FERMT2: variants seen among roughly 807,000 people sequenced by gnomAD.
FERMT2 encodes the protein fermitin family homolog 2.
FERMT2 carries 15 observed loss-of-function variants against 82.7 expected under a neutral mutation model. That is an observed-to-expected ratio of 0.18 (90% confidence interval 0.12 to 0.28). The LOEUF is 0.28. Among genes scored for constraint, FERMT2 ranks in the 10% least tolerant of loss-of-function variants. FERMT2 has a pLI of 1.00. For missense variants in FERMT2, 645 were observed against 809.4 expected (o/e 0.80, Z 2.46); for synonymous variants, 274 against 271.5 (o/e 1.01, Z -0.09).
intron 3 of FERMT2, among the ~76,000 whole-genome samples, chr14:52,903,575 A>C (rs927166827): frequency 5.3e-5 from 8 of 152,030 alleles, no homozygotes; most frequent in African/African-American, 1.7e-4. Context: ...AAAGAAAAAA[A>C]AAACACTACC....
At chr14:52,902,667 G>A (rs1388944996) in intron 3 of FERMT2, among the ~76,000 whole-genome samples, 7 of 150,470 alleles carry the variant, frequency 4.7e-5, no homozygotes, top group Non-Finnish European at 8.9e-5. Flanking sequence ...TCAGGAATTC[G>A]AGACCAGCCT....
At chr14:52,950,670 G>A (rs1890591317) in intron 1 of FERMT2, 93 bp from the exon 2 acceptor site, 3 of 1,315,290 alleles carry the variant, frequency 2.3e-6, no homozygotes, top group African/African-American at 2.9e-5. Context: ...CGGGCTGGGA[G>A]GTGGTGGAGG....
intron 2 of FERMT2, among the ~76,000 whole-genome samples, chr14:52,936,428 TC>T (rs976279348): frequency 1.3e-5 from 2 of 152,194 alleles, no homozygotes; most frequent in African/African-American, 4.8e-5. Context: ...ATCTGATGTC[TC>T]CCCCTATTTA....
At position 52,902,868 on chromosome 14, in the gene FERMT2, C is replaced by CAAAAA. The variant is rs1252336097; in HGVS notation, c.392-9446_392-9442dup. 2.9e-3 allele frequency among the ~76,000 whole-genome samples: 16 copies of CAAAAA among 5,536 alleles called. 1 individual carries two copies. The highest frequency in any genetic ancestry group is 9.9e-3 in the East Asian group (2 of 202). 3.6% of individuals were successfully genotyped at this position (5,536 alleles called of 152,430 possible). ...TGGGTGGCTGAGCAAGACTCCGTCT[C>CAAAAA]AAAAAAAAAAAAAAAAAAAAAAACC... On this transcript the variant is annotated intron_variant, in intron 3 of 14. Transcript: ENST00000341590.
rs746615883 is a variant in FERMT2, at chr14:52,878,562, T to C, written c.963+20A>G. ...TACCCTTTACCGGAATAAGTCCCAT[T>C]TACTAGACCTTTCAACTACCTGCAG... On this transcript the variant is annotated intron_variant, in intron 7 of 14. Coordinates refer to ENST00000341590, the MANE Select transcript of FERMT2 (RefSeq NM_006832.3). The C allele has an allele frequency of 1.4e-6, 2 of 1,479,018 alleles. No homozygotes were observed. The highest frequency in any genetic ancestry group is 1.7e-4 in the Middle Eastern group (1 of 5,818). The allele number at this position is 1,479,018 out of a possible 1,614,324, so 91.6% of individuals were successfully genotyped here.
At position 52,919,507 on chromosome 14, in the gene FERMT2, G is replaced by A. The variant is rs183881738; in HGVS notation, c.158-151C>T. 664 of 619,430 alleles carry A rather than the reference G, an allele frequency of 1.1e-3. 5 individuals carry two copies. The highest frequency in any genetic ancestry group is 3.3e-4 in the Non-Finnish European group (120 of 359,284). The allele number at this position is 619,430 out of a possible 1,614,324, so 38.4% of individuals were successfully genotyped here. On this transcript the variant is annotated intron_variant, in intron 2 of 14. Coordinates refer to ENST00000341590, the MANE Select transcript of FERMT2 (RefSeq NM_006832.3). ...GACAGGTACAAAAGAAACATTAACA[G>A]CTGAGAAAACACGCTCTGTCCTGAA...
chr14:52,868,514 C>T (rs1400911744), intron 10 of FERMT2, among the ~76,000 whole-genome samples: 1 of 152,196 alleles, frequency 6.6e-6, no homozygotes, highest in South Asian at 2.1e-4. Flanking sequence ...GTAAGTGGTT[C>T]TTCCTTGTAT....
chr14:52,886,954 C>T (rs1030662885), intron 4 of FERMT2, among the ~76,000 whole-genome samples: 8 of 151,976 alleles, frequency 5.3e-5, no homozygotes, highest in East Asian at 1.9e-4. Flanking sequence ...TATATGAGGT[C>T]CATCAGTATG....
At chr14:52,911,352 A>G (rs1888299145) in intron 3 of FERMT2, among the ~76,000 whole-genome samples, 1 of 152,152 alleles carries the variant, frequency 6.6e-6, no homozygotes, top group Non-Finnish European at 1.5e-5. Flanking sequence ...TTCTTGAGCT[A>G]CACAAAAGCA....
At chr14:52,894,179 A>G (rs893585325) in intron 3 of FERMT2, among the ~76,000 whole-genome samples, 6 of 152,208 alleles carry the variant, frequency 3.9e-5, no homozygotes, top group Admixed American at 2.0e-4. Flanking sequence ...TCAAATGGCT[A>G]CAAGTTTCTG....
Position 52,872,862 on chromosome 14 carries a change from T to C in FERMT2, c.1210A>G (p.Ile404Val), listed in dbSNP as rs1252678668. Residue 404 changes from isoleucine to valine, a missense_variant, in exon 10 of 15, where the codon ATT becomes GTT. By Grantham distance (29) the Ile-to-Val change is conservative. Transcript: ENST00000341590. ...QYWCTFKDTS[I>V]SCYKSKEESS... ...TCTTCTTTGCTCTTATAACAAGAAATGGATGTGTCTTTGAAGGTGCACCAA... is the reference window on the plus strand; with the variant it reads ...TCTTCTTTGCTCTTATAACAAGAAACGGATGTGTCTTTGAAGGTGCACCAA... The C allele has an allele frequency of 6.2e-7, 1 of 1,614,008 alleles. No homozygotes were observed.
intron 3 of FERMT2, among the ~76,000 whole-genome samples, chr14:52,900,737 A>G (rs1887574002): frequency 6.6e-6 from 1 of 152,162 alleles, no homozygotes; most frequent in Non-Finnish European, 1.5e-5. Flanking sequence ...ACCTGAAAAA[A>G]TTTAGTCCGC....
chr14:52,946,644 T>C (rs1011530479), intron 2 of FERMT2, among the ~76,000 whole-genome samples: 2 of 152,114 alleles, frequency 1.3e-5, no homozygotes, highest in African/African-American at 2.4e-5. Flanking sequence ...GTGCAAGACC[T>C]TGCCTCAAAC....
Position 52,874,157 on chromosome 14 carries a change from TC to T in FERMT2, c.1148+19del. The T allele has an allele frequency of 6.6e-7, 1 of 1,511,332 alleles. No homozygotes were observed. Among genetic ancestry groups the T allele is most frequent in the Non-Finnish European group, 9.0e-7 (1 of 1,105,568 alleles). The allele number at this position is 1,511,332 out of a possible 1,614,324, so 93.6% of individuals were successfully genotyped here. On this transcript the variant is annotated intron_variant, in intron 9 of 14. Coordinates refer to ENST00000341590, the MANE Select transcript of FERMT2 (RefSeq NM_006832.3). ...AGCTGACAGTTATTAATATTTGGCATCCCTCCTTTTTGTACTTACTTGAAAA... is the reference window on the plus strand; with the variant it reads ...AGCTGACAGTTATTAATATTTGGCATCCTCCTTTTTGTACTTACTTGAAAA...
At chr14:52,909,309 T>G (rs1333523742) in intron 3 of FERMT2, among the ~76,000 whole-genome samples, 4 of 152,062 alleles carry the variant, frequency 2.6e-5, no homozygotes, top group Admixed American at 2.6e-4. Context: ...TGCCTGGAGC[T>G]CTAGGAAGCA....
In FERMT2 at chr14:52,928,557, A is replaced by T. The variant is rs538510361; in HGVS notation, c.158-9201T>A. 2.6e-5 allele frequency: 4 copies of T among 152,298 alleles called. No individual in the cohort carries two copies. The East Asian group carries it at 7.7e-4, about 29-fold the overall frequency. The allele number at this position is 152,298 out of a possible 1,614,324, so 9.4% of individuals were successfully genotyped here. ...TTCAGGCTACTTGCTCATACCATTT[A>T]CCTATACCACTTAGTTGCTCATCTA... On this transcript the variant is annotated intron_variant, in intron 2 of 14. Transcript: ENST00000341590.
intron 3 of FERMT2, among the ~76,000 whole-genome samples, chr14:52,907,190 T>C (rs1239092007): frequency 6.6e-6 from 1 of 152,116 alleles, no homozygotes; most frequent in Non-Finnish European, 1.5e-5. Flanking sequence ...TTTTTTGGTA[T>C]TTTTTGGAGA....
At chr14:52,901,280 C>CAAAAAAA (rs10638877) in intron 3 of FERMT2, among the ~76,000 whole-genome samples, 9 of 57,236 alleles carry the variant, frequency 1.6e-4, no homozygotes, top group African/African-American at 5.4e-4. Context: ...GACTCTGTCT[C>CAAAAAAA]AAAAAAAAAA....
chr14:52,895,664 C>G (rs1887214918), intron 3 of FERMT2, among the ~76,000 whole-genome samples: 1 of 152,108 alleles, frequency 6.6e-6, no homozygotes, highest in East Asian at 1.9e-4. Context: ...TTGCTGGTAG[C>G]TGAAGTTTGA....
Sources: allele counts gnomAD v4.1 joint callset (sites outside exome capture counted in the v4.1 genomes callset), GRCh38; gene constraint gnomAD v4.1.1; transcripts MANE v1.5; gene names NCBI Gene and HGNC (gene_info 2026-07-23, HGNC 2026-07-21).